TBCK: variants seen among roughly 807,000 people sequenced by gnomAD.
The protein encoded by TBCK is TBC domain-containing protein kinase-like protein.
Under a neutral mutation model 113.4 loss-of-function variants are expected in TBCK, and 99 were observed. The observed-to-expected ratio is 0.87, with a 90% CI of 0.74 to 1.03. TBCK has a LOEUF of 1.03. TBCK is among the 50% of genes least tolerant of loss of function. The pLI, the probability that TBCK is intolerant of heterozygous loss-of-function variation, is 0.00. For missense variants in TBCK, 1,045 were observed against 1,061.3 expected, an observed-to-expected ratio of 0.98 and a Z score of 0.21; for synonymous variants, 369 against 370.8, an observed-to-expected ratio of 1.00 and a Z score of 0.05.
chr4:106,158,590 G>C (rs886742367), intron 23 of TBCK, among the ~76,000 whole-genome samples: 3 of 151,984 alleles, frequency 2.0e-5, no homozygotes, highest in Non-Finnish European at 4.4e-5. Context: ...AGCTTACCAA[G>C]ACTAAAATCA....
chr4:106,244,567 A>G (rs1232489446), intron 11 of TBCK, 59 bp downstream of exon 11: 2 of 1,303,420 alleles, frequency 1.5e-6, no homozygotes, highest in Non-Finnish European at 2.0e-6. Context: ...TATTATTACC[A>G]TAGAATTATT....
intron 23 of TBCK, among the ~76,000 whole-genome samples, chr4:106,137,347 G>A (rs993830853): frequency 7.1e-6 from 1 of 139,948 alleles, no homozygotes; most frequent in Non-Finnish European, 1.6e-5. Flanking sequence ...GAGATTTTTA[G>A]GGTAATATTA....
At chr4:106,093,768 A>G (rs1740592826) in intron 25 of TBCK, among the ~76,000 whole-genome samples, 1 of 152,152 alleles carries the variant, frequency 6.6e-6, no homozygotes, top group Non-Finnish European at 1.5e-5. Flanking sequence ...CTGTACAACA[A>G]ATGCCTATGA....
At chr4:106,194,991 C>T (rs1237945913) in intron 20 of TBCK, among the ~76,000 whole-genome samples, 1 of 152,058 alleles carries the variant, frequency 6.6e-6, no homozygotes, top group Non-Finnish European at 1.5e-5. Context: ...GATGTGTAAA[C>T]AGACTGTAGC....
intron 20 of TBCK, among the ~76,000 whole-genome samples, chr4:106,204,706 G>A (rs1755249982): frequency 6.7e-6 from 1 of 149,886 alleles, no homozygotes; most frequent in Admixed American, 6.6e-5. Context: ...GATGGTTTCT[G>A]CAAGAAATAC....
chr4:106,231,996 A>G (rs1177673013), intron 17 of TBCK, among the ~76,000 whole-genome samples: 2 of 151,794 alleles, frequency 1.3e-5, no homozygotes, highest in Non-Finnish European at 3.0e-5. Flanking sequence ...TATTATCTAT[A>G]TTATTATGAG....
At chr4:106,279,114 T>C (rs1474003272) in intron 3 of TBCK, among the ~76,000 whole-genome samples, 1 of 152,098 alleles carries the variant, frequency 6.6e-6, no homozygotes, top group African/African-American at 2.4e-5. Context: ...ATATAGACAA[T>C]ACCACAAAAT....
In TBCK at chr4:106,211,067, G is replaced by A. The variant is rs557277065; in HGVS notation, c.1860+1683C>T. The stretch of plus-strand genomic sequence containing the variant: ...CTCAGCCTTTCAAGCATAAGCCACC[G>A]CACCTGGTTTCCAAACATACTTGTC... On this transcript the variant is annotated intron_variant, in intron 20 of 25. Transcript: ENST00000394708. 3.9e-5 allele frequency among the ~76,000 whole-genome samples: 6 copies of A among 152,100 alleles called. No individual in the cohort carries two copies. In the South Asian group the frequency reaches 1.2e-3, roughly 32 times the overall value.
intron 23 of TBCK, among the ~76,000 whole-genome samples, chr4:106,150,929 C>T (rs570837692): frequency 6.6e-5 from 10 of 152,082 alleles, no homozygotes; most frequent in African/African-American, 2.4e-4. Flanking sequence ...TTGAATTAAG[C>T]TCTGAGGGTC....
At chr4:106,209,304 A>C (rs1028566073) in intron 20 of TBCK, among the ~76,000 whole-genome samples, 20 of 152,140 alleles carry the variant, frequency 1.3e-4, no homozygotes, top group Non-Finnish European at 2.6e-4. Flanking sequence ...AGCACACTTA[A>C]CACCAATGTA....
At chr4:106,192,736 T>C (rs1753794363) in intron 22 of TBCK, among the ~76,000 whole-genome samples, 1 of 152,086 alleles carries the variant, frequency 6.6e-6, no homozygotes, top group Non-Finnish European at 1.5e-5. Context: ...GTTTCTTATT[T>C]TTCTTGAGAG....
chr4:106,286,730 G>A (rs1021363760), intron 3 of TBCK, among the ~76,000 whole-genome samples: 1 of 152,100 alleles, frequency 6.6e-6, no homozygotes, highest in African/African-American at 2.4e-5. Flanking sequence ...GGGTGGTTGA[G>A]GTGGAAGGAT....
chr4:106,183,640 G>A (rs1752664291), intron 22 of TBCK, among the ~76,000 whole-genome samples: 2 of 152,056 alleles, frequency 1.3e-5, no homozygotes, highest in Admixed American at 1.3e-4. Context: ...CTCATAGAAA[G>A]TGGACACAAT....
chr4:106,056,162 C>T (rs956918689), intron 25 of TBCK, among the ~76,000 whole-genome samples: 1 of 151,322 alleles, frequency 6.6e-6, no homozygotes, highest in African/African-American at 2.4e-5. Context: ...AAATTAATCA[C>T]ATTCTTTTCA....
intron 2 of TBCK, among the ~76,000 whole-genome samples, chr4:106,299,059 C>G (rs1217461998): frequency 2.6e-5 from 4 of 152,150 alleles, no homozygotes; most frequent in African/African-American, 4.8e-5. Flanking sequence ...ATCACAGGTG[C>G]CTAGCAGTGC....
intron 20 of TBCK, among the ~76,000 whole-genome samples, chr4:106,197,608 A>G (rs1458949398): frequency 6.6e-6 from 1 of 151,982 alleles, no homozygotes; most frequent in Non-Finnish European, 1.5e-5. Context: ...GAGAGTAGTC[A>G]GAAGAGCATT....
At chr4:106,200,224 G>A (rs901485692) in intron 20 of TBCK, among the ~76,000 whole-genome samples, 1 of 152,100 alleles carries the variant, frequency 6.6e-6, no homozygotes, top group African/African-American at 2.4e-5. Flanking sequence ...TTTCTGTGAG[G>A]TTTTCTTGGT....
intron 23 of TBCK, among the ~76,000 whole-genome samples, chr4:106,133,356 T>C (rs1746183082): frequency 6.6e-6 from 1 of 152,212 alleles, no homozygotes; most frequent in African/African-American, 2.4e-5. Flanking sequence ...CCTTCCACCA[T>C]GACTGTGAGG....
rs1234254439 is a variant in TBCK, at chr4:106,136,158, C to T, written c.2236-19780G>A. On this transcript the variant is annotated intron_variant, in intron 23 of 25. Transcript: ENST00000394708. The stretch of plus-strand genomic sequence containing the variant: ...CTTTTTTTATTCAGTTTTTCCTTTA[C>T]TGTTATTTTTCCTTTTCTGTTATTT... Among the ~76,000 whole-genome samples, 11 of 140,986 alleles carry T rather than the reference C, an allele frequency of 7.8e-5. 3 individuals carry two copies. Among genetic ancestry groups the T allele is most frequent in the Non-Finnish European group, 1.8e-4 (11 of 62,154 alleles). The allele number at this position is 140,986 out of a possible 152,430, so 92.5% of individuals were successfully genotyped here. A position where few individuals can be genotyped will look rare whatever the true frequency, so the allele number is the denominator to read the frequency against.
Sources: allele counts gnomAD v4.1 joint callset (sites outside exome capture counted in the v4.1 genomes callset), GRCh38; gene constraint gnomAD v4.1.1; transcripts MANE v1.5; gene names NCBI Gene and HGNC (gene_info 2026-07-23, HGNC 2026-07-21).